SPAST: variants seen among roughly 807,000 people sequenced by gnomAD.
The protein encoded by SPAST is spastin.
In SPAST, 30 loss-of-function variants were observed where a neutral mutation model predicts 76.6. That is an observed-to-expected ratio of 0.39 (90% CI 0.29 to 0.53). SPAST has a LOEUF of 0.53. Among genes scored for constraint, SPAST ranks in the 20% least tolerant of loss-of-function variants. The pLI, the probability that SPAST is intolerant of heterozygous loss-of-function variation, is 0.68. For synonymous variants in SPAST, 305 were observed against 281.0 expected, an observed-to-expected ratio of 1.09 and a Z score of -0.86; for missense variants, 717 against 770.5, an observed-to-expected ratio of 0.93 and a Z score of 0.82.
chr2:32,078,271 A>G (rs1439065713), intron 1 of SPAST, among the ~76,000 whole-genome samples: 5 of 152,172 alleles, frequency 3.3e-5, no homozygotes, highest in African/African-American at 1.2e-4. Context: ...TCCCAGGTTC[A>G]AGTGATTGTC....
Position 32,068,962 on chromosome 2 carries a change from C to T in SPAST, c.415+4716C>T, listed in dbSNP as rs141439742. 5.1e-3 allele frequency among the ~76,000 whole-genome samples: 778 copies of T among 151,702 alleles called. 8 individuals carry two copies. The highest frequency in any genetic ancestry group is 0.017 in the African/African-American group (716 of 41,326). ...CAGTGGCCCATGCCTGTTATCCCAGCACTTTGGGAGGCAGAGGCAGGCGGA... is the reference window on the plus strand; with the variant it reads ...CAGTGGCCCATGCCTGTTATCCCAGTACTTTGGGAGGCAGAGGCAGGCGGA... On this transcript the variant is annotated intron_variant, in intron 1 of 16. Transcript: ENST00000315285.
At chr2:32,093,407 G>C (rs1422833030) in intron 3 of SPAST, among the ~76,000 whole-genome samples, 1 of 151,830 alleles carries the variant, frequency 6.6e-6, no homozygotes. Context: ...GCTCGAGCCT[G>C]GGAGGCAGAG....
intron 3 of SPAST, among the ~76,000 whole-genome samples, chr2:32,096,441 A>G (rs951326209): frequency 5.9e-5 from 9 of 152,206 alleles, no homozygotes; most frequent in Non-Finnish European, 1.3e-4. Context: ...TCTCCAAAAA[A>G]AAGAAAAAAT....
intron 4 of SPAST, 100 bp from the exon 5 acceptor site, chr2:32,114,538 T>C: frequency 2.2e-6 from 2 of 908,366 alleles, no homozygotes; most frequent in Non-Finnish European, 3.4e-6. Flanking sequence ...TATTTTTGAA[T>C]TAAAAAAATA....
intron 16 of SPAST, among the ~76,000 whole-genome samples, chr2:32,151,462 A>G (rs182281469): frequency 4.6e-5 from 7 of 152,338 alleles, no homozygotes; most frequent in Admixed American, 3.3e-4. Context: ...AAGGTAATCC[A>G]TTCTCTCATT....
chr2:32,089,930 A>G (rs1677646050), intron 3 of SPAST, among the ~76,000 whole-genome samples: 1 of 151,998 alleles, frequency 6.6e-6, no homozygotes, highest in Admixed American at 6.6e-5. Context: ...CGCCCCGCTA[A>G]TTTTTTTGTA....
chr2:32,124,020 T>C (rs1679108954), intron 7 of SPAST, among the ~76,000 whole-genome samples: 1 of 151,518 alleles, frequency 6.6e-6, no homozygotes. Context: ...AAAATCAGTA[T>C]GTTGAACTTT....
rs1359831787 is a variant in SPAST, at chr2:32,063,963, G to T, written c.132G>T (p.Ser44=). 4 of 1,612,056 alleles carry T rather than the reference G, an allele frequency of 2.5e-6. No homozygotes were observed. The highest frequency in any genetic ancestry group is 3.3e-5 in the Admixed American group (2 of 59,876). Residue 44 remains serine (S), a synonymous_variant, in exon 1 of 17, where the codon TCG becomes TCT. Transcript: ENST00000315285. The part of the protein sequence containing the change: ...PAAGPAPPPE[S]PHKRNLYYFS... ...CCGGGCCGGCCCCTCCGCCCGAGTC[G>T]CCGCATAAGCGGAACCTGTACTATT...
chr2:32,072,579 A>G (rs2148694716), intron 1 of SPAST, among the ~76,000 whole-genome samples: 1 of 152,278 alleles, frequency 6.6e-6, no homozygotes, highest in Non-Finnish European at 1.5e-5. Context: ...GCCTTTGGCA[A>G]GGGGAGGGTC....
At chr2:32,117,046 G>A (rs1678861302) in intron 7 of SPAST, among the ~76,000 whole-genome samples, 2 of 151,970 alleles carry the variant, frequency 1.3e-5, no homozygotes, top group African/African-American at 2.4e-5. Context: ...AGATCACGAG[G>A]TCAAGAGATT....
At chr2:32,071,451 G>C (rs1327112551) in intron 1 of SPAST, among the ~76,000 whole-genome samples, 5 of 152,166 alleles carry the variant, frequency 3.3e-5, no homozygotes, top group South Asian at 4.1e-4. Context: ...TCAATGAAAA[G>C]AGTCAAACTC....
chr2:32,153,778 T>C (rs1324065016), intron 16 of SPAST, among the ~76,000 whole-genome samples: 1 of 152,044 alleles, frequency 6.6e-6, no homozygotes. Flanking sequence ...CAAATTAATA[T>C]AAAAATGCAT....
intron 3 of SPAST, among the ~76,000 whole-genome samples, chr2:32,097,920 A>G (rs1287729107): frequency 6.6e-6 from 1 of 151,584 alleles, no homozygotes; most frequent in African/African-American, 2.4e-5. Context: ...GGATCGCCTC[A>G]ATCTCCTGAC....
intron 1 of SPAST, among the ~76,000 whole-genome samples, chr2:32,071,573 T>G (rs1676753242): frequency 6.6e-6 from 1 of 152,162 alleles, no homozygotes; most frequent in African/African-American, 2.4e-5. Context: ...GGCTATAGCT[T>G]GATTTTATAC....
chr2:32,153,844 A>G (rs1260470972), intron 16 of SPAST, among the ~76,000 whole-genome samples: 1 of 152,244 alleles, frequency 6.6e-6, no homozygotes, highest in African/African-American at 2.4e-5. Context: ...TGGGAGGCCA[A>G]GGTGGGCGGA....
At chr2:32,109,723 A>G (rs191998452) in intron 4 of SPAST, among the ~76,000 whole-genome samples, 12 of 149,068 alleles carry the variant, frequency 8.1e-5, no homozygotes, top group South Asian at 6.3e-4. Context: ...AAAAATAACT[A>G]TATGTATATA....
chr2:32,143,495 A>G lies in SPAST; in HGVS notation c.1616+80A>G. On this transcript the variant is annotated intron_variant, in intron 14 of 16. Transcript: ENST00000315285. ...ATTCTTTTTTTAGTTATTTAAAGTAATCTTAAGTATGAAATGAGTAATTCA... is the reference window on the plus strand; with the variant it reads ...ATTCTTTTTTTAGTTATTTAAAGTAGTCTTAAGTATGAAATGAGTAATTCA... 6.9e-6 allele frequency: 6 copies of G among 865,792 alleles called. No individual in the cohort carries two copies. The South Asian group carries it at 9.2e-5, about 13-fold the overall frequency. The allele number at this position is 865,792 out of a possible 1,614,324, so 53.6% of individuals were successfully genotyped here. A position where few individuals can be genotyped will look rare whatever the true frequency, so the allele number is the denominator to read the frequency against.
At chr2:32,098,402 C>T (rs1327030175) in intron 3 of SPAST, among the ~76,000 whole-genome samples, 1 of 152,142 alleles carries the variant, frequency 6.6e-6, no homozygotes, top group African/African-American at 2.4e-5. Context: ...GTTGAGGCCA[C>T]AGTGAGCCAT....
intron 3 of SPAST, among the ~76,000 whole-genome samples, chr2:32,096,205 C>A (rs765254325): frequency 5.9e-5 from 9 of 151,376 alleles, no homozygotes; most frequent in Non-Finnish European, 8.9e-5. Flanking sequence ...GAGGCCGAGG[C>A]GGGCAGATCA....
Sources: allele counts gnomAD v4.1 joint callset (sites outside exome capture counted in the v4.1 genomes callset), GRCh38; gene constraint gnomAD v4.1.1; transcripts MANE v1.5; gene names NCBI Gene and HGNC (gene_info 2026-07-23, HGNC 2026-07-21).